The following LPP variants were observed in gnomAD, a reference collection of about 807,000 sequenced individuals.
The protein encoded by LPP is lipoma-preferred partner.
Under a neutral mutation model 60.4 loss-of-function variants are expected in LPP, and 38 were observed. That is an observed-to-expected ratio of 0.63 (90% CI 0.49 to 0.83). LPP has a LOEUF of 0.83. Among genes scored for constraint, LPP ranks in the 40% least tolerant of loss-of-function variants. LPP has a pLI of 0.00. For missense variants in LPP, 902 were observed against 783.6 expected (o/e 1.15, Z -1.80); for synonymous variants, 328 against 290.8 (o/e 1.13, Z -1.30).
At chr3:188,642,041 T>C (rs1850251148) in intron 7 of LPP, among the ~76,000 whole-genome samples, 1 of 152,212 alleles carries the variant, frequency 6.6e-6, no homozygotes, top group Non-Finnish European at 1.5e-5. Flanking sequence ...TTGATAATTA[T>C]TGGTGATACT....
chr3:188,295,167 C>T (rs151061824), intron 2 of LPP, among the ~76,000 whole-genome samples: 75 of 152,262 alleles, frequency 4.9e-4, no homozygotes, highest in Admixed American at 1.6e-3. Flanking sequence ...ATTAAGTATC[C>T]GGTGAAACCA....
chr3:188,206,019 G>T (rs1159486008), intron 1 of LPP, among the ~76,000 whole-genome samples: 1 of 152,174 alleles, frequency 6.6e-6, no homozygotes, highest in Non-Finnish European at 1.5e-5. Context: ...TGCTAACACT[G>T]AGAGGCAGAG....
At chr3:188,394,551 AGTGTGTGTGT>A (rs1209092729) in intron 3 of LPP, among the ~76,000 whole-genome samples, 30 of 146,882 alleles carry the variant, frequency 2.0e-4, no homozygotes, top group African/African-American at 2.3e-4. Flanking sequence ...AAATATCTAA[AGTGTGTGTGT>A]GTGTGTGTGT....
chr3:188,524,635 TTGTTAACA>T (rs1294480452), intron 5 of LPP, 22 bp from the exon 6 acceptor site: 1 of 1,585,270 alleles, frequency 6.3e-7, no homozygotes, highest in Admixed American at 1.8e-5. Context: ...GAAATTTCCT[TTGTTAACA>T]TGTCTGTGTT....
intron 7 of LPP, among the ~76,000 whole-genome samples, chr3:188,666,793 T>C (rs1855889288): frequency 6.6e-6 from 1 of 152,210 alleles, no homozygotes; most frequent in Admixed American, 6.5e-5. Context: ...GGTTGTGTTA[T>C]GCTGCAGGGA....
chr3:188,725,540 C>G (rs1433644047), intron 8 of LPP: 1 of 152,116 alleles, frequency 6.6e-6, no homozygotes, highest in Non-Finnish European at 1.5e-5. Context: ...TGTGTTGTTG[C>G]TAGGGGCTTG....
chr3:188,592,278 A>T (rs912202052), intron 6 of LPP, among the ~76,000 whole-genome samples: 4 of 151,996 alleles, frequency 2.6e-5, no homozygotes, highest in African/African-American at 9.7e-5. Context: ...TTAAATGAAA[A>T]ATAAGATACA....
At chr3:188,168,506 G>T (rs1460232457) in intron 1 of LPP, among the ~76,000 whole-genome samples, 2 of 152,026 alleles carry the variant, frequency 1.3e-5, no homozygotes, top group East Asian at 3.8e-4. Context: ...TTCCTTCCTA[G>T]ACCTCTCTAA....
rs532622917 is a variant in LPP at position 188,365,304 on chromosome 3, T to G, written c.-10+23585T>G. Among the ~76,000 whole-genome samples the G allele has an allele frequency of 1.1e-4, 16 of 152,342 alleles. No homozygotes were observed. In the South Asian group the frequency reaches 3.1e-3, roughly 30 times the overall value. Reference sequence around the variant, plus strand: ...GCAGTAGAAGTGTATGTTTAAATACTTTTCCTGTAGAAGGTCATTATGACA... The same window carrying G: ...GCAGTAGAAGTGTATGTTTAAATACGTTTCCTGTAGAAGGTCATTATGACA... On this transcript the variant is annotated intron_variant, in intron 3 of 11. Coordinates refer to ENST00000617246, the MANE Select transcript of LPP (RefSeq NM_001375462.1).
At chr3:188,161,990 G>A (rs1038885333) in intron 1 of LPP, among the ~76,000 whole-genome samples, 2 of 152,034 alleles carry the variant, frequency 1.3e-5, no homozygotes, top group Non-Finnish European at 2.9e-5. Context: ...CCCTGCCCCT[G>A]CTCTCTACCA....
chr3:188,753,300 T>A (rs62291335), intron 8 of LPP, among the ~76,000 whole-genome samples: 1 of 152,172 alleles, frequency 6.6e-6, no homozygotes, highest in Non-Finnish European at 1.5e-5. Context: ...TTTTTGTTAG[T>A]TTCCTTCACA....
chr3:188,589,111 G>A (rs1348083319), intron 6 of LPP, among the ~76,000 whole-genome samples: 3 of 151,424 alleles, frequency 2.0e-5, no homozygotes, highest in Non-Finnish European at 4.4e-5. Context: ...TAGGGGAGAG[G>A]GTGTTTTTTT....
chr3:188,559,159 C>T (rs1830125085), intron 6 of LPP, among the ~76,000 whole-genome samples: 2 of 152,048 alleles, frequency 1.3e-5, no homozygotes, highest in Non-Finnish European at 2.9e-5. Flanking sequence ...TGCAGCCAAG[C>T]ATCCTAGACT....
At chr3:188,874,299 G>A (rs2152063294) in intron 11 of LPP, 52 bp from the exon 12 acceptor site, 2 of 1,568,668 alleles carry the variant, frequency 1.3e-6, no homozygotes, top group Non-Finnish European at 1.7e-6. Context: ...TTCTCCACAT[G>A]TGTACTTAAC....
At chr3:188,711,857 A>T (rs1268085358) in intron 8 of LPP, 2 of 152,198 alleles carry the variant, frequency 1.3e-5, no homozygotes, top group African/African-American at 4.8e-5. Flanking sequence ...AGAGAAATGG[A>T]AAAGTATTTA....
chr3:188,744,134 A>G (rs1348304086), intron 8 of LPP, among the ~76,000 whole-genome samples: 1 of 152,182 alleles, frequency 6.6e-6, no homozygotes, highest in Non-Finnish European at 1.5e-5. Context: ...ACTCACAAAC[A>G]TATATACACA....
At chr3:188,533,753 T>C (rs558298231) in intron 6 of LPP, among the ~76,000 whole-genome samples, 104 of 152,296 alleles carry the variant, frequency 6.8e-4, no homozygotes, top group Middle Eastern at 6.8e-3. Context: ...AATTAGCCTG[T>C]ACCCGCCAGA....
chr3:188,432,648 G>C (rs958095901), intron 4 of LPP, among the ~76,000 whole-genome samples: 7 of 151,852 alleles, frequency 4.6e-5, no homozygotes, highest in African/African-American at 7.3e-5. Flanking sequence ...ATGTCTTGCT[G>C]GTTCTTCCAA....
At position 188,783,251 on chromosome 3, in the gene LPP, A is replaced by G. The variant is rs1196828538; in HGVS notation, c.1410+22969A>G. ...ACAGCCAAACTCTGGAAAGTTGGAT[A>G]TTAGAAATGCTGTCTCCACACTATT... is the stretch of plus-strand genomic sequence containing the variant. On this transcript the variant is annotated intron_variant, in intron 9 of 11. Coordinates refer to ENST00000617246, the MANE Select transcript of LPP (RefSeq NM_001375462.1). Among the ~76,000 whole-genome samples the G allele has an allele frequency of 6.6e-5, 10 of 152,288 alleles. No homozygotes were observed. In the South Asian group the frequency reaches 2.1e-3, roughly 32 times the overall value.
Sources: allele counts gnomAD v4.1 joint callset (sites outside exome capture counted in the v4.1 genomes callset), GRCh38; gene constraint gnomAD v4.1.1; transcripts MANE v1.5; gene names NCBI Gene and HGNC (gene_info 2026-07-23, HGNC 2026-07-21).